The following MBNL1 variants were observed in gnomAD, a reference collection of about 807,000 sequenced individuals.
The protein encoded by MBNL1 is muscleblind like splicing regulator 1, also known as muscleblind-like protein 1.
Under a neutral mutation model 42.2 loss-of-function variants are expected in MBNL1, and 8 were observed. The ratio of observed to expected loss-of-function variants is 0.19; its 90% CI spans 0.11 to 0.34. The LOEUF (loss-of-function observed/expected upper bound fraction) is 0.34, where lower values mean the gene tolerates loss of function less well. MBNL1 is among the 10% of genes least tolerant of loss of function. MBNL1 has a pLI of 1.00. For missense variants in MBNL1, 309 were observed against 495.3 expected, an observed-to-expected ratio of 0.62 and a Z score of 3.57; for synonymous variants, 169 against 173.9, an observed-to-expected ratio of 0.97 and a Z score of 0.22.
At chr3:152,295,698 T>A (rs2058265190) in intron 1 of MBNL1, among the ~76,000 whole-genome samples, 1 of 152,106 alleles carries the variant, frequency 6.6e-6, no homozygotes, top group Admixed American at 6.5e-5. Flanking sequence ...CCCAGTCCTA[T>A]AGAGAAGGTG....
chr3:152,292,130 C>CGAAGGCCTATTGGGGTT (rs2056344652), intron 1 of MBNL1, among the ~76,000 whole-genome samples: 1 of 152,062 alleles, frequency 6.6e-6, no homozygotes, highest in Non-Finnish European at 1.5e-5. Flanking sequence ...GGGACTTGGA[C>CGAAGGCCTATTGGGGTT]GAAGGCCTAT....
intron 2 of MBNL1, among the ~76,000 whole-genome samples, chr3:152,390,155 A>G (rs557268947): frequency 4.0e-5 from 6 of 151,860 alleles, no homozygotes. Context: ...TTATAATTAA[A>G]AAAAAAAAAA....
At chr3:152,271,292 G>T (rs1485170262) in intron 1 of MBNL1, among the ~76,000 whole-genome samples, 1 of 151,818 alleles carries the variant, frequency 6.6e-6, no homozygotes, top group Non-Finnish European at 1.5e-5. Flanking sequence ...TCCAGAACAA[G>T]AACAGACTAA....
intron 2 of MBNL1, among the ~76,000 whole-genome samples, chr3:152,387,810 T>C (rs1181795342): frequency 2.6e-5 from 4 of 152,120 alleles, no homozygotes; most frequent in African/African-American, 7.2e-5. Flanking sequence ...TATTTATAAA[T>C]ATAAGTATGT....
chr3:152,396,589 C>T lies in MBNL1; in HGVS notation c.175-18352C>T, dbSNP rs551682213. Among the ~76,000 whole-genome samples, 4 of 152,270 alleles carry T rather than the reference C, an allele frequency of 2.6e-5. No individual in the cohort carries two copies. The South Asian group carries it at 8.3e-4, about 32-fold the overall frequency. On this transcript the variant is annotated intron_variant, in intron 2 of 9. Transcript: ENST00000324210. ...TGAAAGTGCTCCACTCCTAGTCTGT[C>T]TTTCCTCTGCATTTTTTCCACCCTG...
At position 152,347,877 on chromosome 3, in the gene MBNL1, A is replaced by G. The variant is rs189182820; in HGVS notation, c.174+47510A>G. Among the ~76,000 whole-genome samples the G allele has an allele frequency of 2.2e-4, 33 of 152,304 alleles. No individual in the cohort carries two copies. The East Asian group carries it at 5.2e-3, about 24-fold the overall frequency. Reference sequence around the variant, plus strand: ...TGCATGTTTAAAAATATACTGTGAAAGTCAATATTTTTATGAATTCTGCTC... The same window carrying G: ...TGCATGTTTAAAAATATACTGTGAAGGTCAATATTTTTATGAATTCTGCTC... On this transcript the variant is annotated intron_variant, in intron 2 of 9. Coordinates refer to ENST00000324210, the MANE Select transcript of MBNL1 (RefSeq NM_021038.5).
At chr3:152,362,543 G>A (rs955030879) in intron 2 of MBNL1, among the ~76,000 whole-genome samples, 2 of 152,078 alleles carry the variant, frequency 1.3e-5, no homozygotes, top group East Asian at 1.9e-4. Flanking sequence ...TGTAGTCTAG[G>A]GTTTCTTAGC....
At chr3:152,251,075 A>G (rs1433101749) in intron 2 of MBNL1, among the ~76,000 whole-genome samples, 20 of 152,122 alleles carry the variant, frequency 1.3e-4, no homozygotes, top group Admixed American at 1.3e-3. Context: ...ATAAACAGAG[A>G]TAATCTCTTA....
chr3:152,433,610 C>T (rs778788744), intron 4 of MBNL1, among the ~76,000 whole-genome samples: 2 of 151,772 alleles, frequency 1.3e-5, no homozygotes, highest in African/African-American at 4.8e-5. Flanking sequence ...ATTAGTCGGG[C>T]GTGGTAGCGG....
rs140120878 is a variant in MBNL1, at chr3:152,327,410, T to C, written c.174+27043T>C. On this transcript the variant is annotated intron_variant, in intron 2 of 9. Transcript: ENST00000324210. ...GTCACTCAGGCTGAGTGCAGTGGCA[T>C]GATCTTGGCTCACTGCAACCGCCGC... Among the ~76,000 whole-genome samples the C allele has an allele frequency of 2.6e-5, 4 of 152,070 alleles. No individual in the cohort carries two copies. In the East Asian group the frequency reaches 7.8e-4, roughly 30 times the overall value.
chr3:152,292,443 G>A (rs1232773753), intron 1 of MBNL1, among the ~76,000 whole-genome samples: 1 of 152,200 alleles, frequency 6.6e-6, no homozygotes, highest in Non-Finnish European at 1.5e-5. Flanking sequence ...AGACCACTAG[G>A]TGATTTAGGG....
chr3:152,458,742 A>G (rs1044913865), intron 8 of MBNL1: 1 of 153,860 alleles, frequency 6.5e-6, no homozygotes, highest in African/African-American at 2.4e-5. Flanking sequence ...TGTCATCAGG[A>G]TTCAGAAATA....
chr3:152,450,054 T>A (rs1718983685), intron 6 of MBNL1, among the ~76,000 whole-genome samples: 1 of 134,602 alleles, frequency 7.4e-6, no homozygotes, highest in South Asian at 2.4e-4. Context: ...TGAGCCAAGA[T>A]CACATCACTG....
intron 2 of MBNL1, among the ~76,000 whole-genome samples, chr3:152,318,083 T>G (rs1282326600): frequency 1.3e-5 from 2 of 152,222 alleles, no homozygotes; most frequent in East Asian, 3.8e-4. Flanking sequence ...ATGGTCAACC[T>G]TAGCCTGTAG....
chr3:152,421,846 G>A (rs760400939), intron 3 of MBNL1, among the ~76,000 whole-genome samples: 63 of 152,038 alleles, frequency 4.1e-4, no homozygotes, highest in Non-Finnish European at 6.6e-4. Flanking sequence ...ATAAGTGAAA[G>A]AGAAATAAAA....
intron 1 of MBNL1, among the ~76,000 whole-genome samples, chr3:152,270,483 G>A (rs978356389): frequency 8.5e-5 from 13 of 152,076 alleles, no homozygotes; most frequent in African/African-American, 3.1e-4. Flanking sequence ...CCACTCCACA[G>A]TTATCTCTCT....
Position 152,465,364 on chromosome 3 carries a change from AGTT to A in MBNL1, c.*3002_*3004del, listed in dbSNP as rs1749992276. 1 of 152,580 alleles carries A rather than the reference AGTT, an allele frequency of 6.6e-6. No homozygotes were observed. The highest frequency in any genetic ancestry group is 6.5e-5 in the Admixed American group (1 of 15,274). The allele number at this position is 152,580 out of a possible 1,614,324, so 9.5% of individuals were successfully genotyped here. ...AAACCAAACAGCACACTGTAGCTAT[AGTT>A]GTTATGTGATTGTTTTTTAATTGCT... On this transcript the variant is annotated 3_prime_UTR_variant, in exon 10 of 10. Transcript: ENST00000324210.
intron 2 of MBNL1, among the ~76,000 whole-genome samples, chr3:152,325,082 T>TCCCCCC (rs1560149912): frequency 2.4e-5 from 1 of 41,014 alleles, no homozygotes; most frequent in Admixed American, 3.6e-4. Flanking sequence ...TAATGCCACA[T>TCCCCCC]ACCCGCCCCC....
chr3:152,340,903 A>G (rs1417076814), intron 2 of MBNL1: 5 of 1,606,416 alleles, frequency 3.1e-6, no homozygotes, highest in Non-Finnish European at 4.2e-6. Context: ...GTCCATCTGC[A>G]TTGTTCTCTT....
Sources: allele counts gnomAD v4.1 joint callset (sites outside exome capture counted in the v4.1 genomes callset), GRCh38; gene constraint gnomAD v4.1.1; transcripts MANE v1.5; gene names NCBI Gene and HGNC (gene_info 2026-07-23, HGNC 2026-07-21).